PTPRT: variants seen among roughly 807,000 people sequenced by gnomAD.
The protein encoded by PTPRT is receptor-type tyrosine-protein phosphatase T.
In PTPRT, 56 loss-of-function variants were observed where a neutral mutation model predicts 176.8. The ratio of observed to expected loss-of-function variants is 0.32; its 90% CI spans 0.26 to 0.40. PTPRT has a LOEUF of 0.40. Among genes scored for constraint, PTPRT ranks in the 10% least tolerant of loss-of-function variants. The pLI, the probability that PTPRT is intolerant of heterozygous loss-of-function variation, is 1.00. For synonymous variants in PTPRT, 783 were observed against 739.0 expected (o/e 1.06, Z -0.96); for missense variants, 1,540 against 1,908.2 (o/e 0.81, Z 3.60).
At chr20:42,614,060 T>G (rs1245818552) in intron 7 of PTPRT, among the ~76,000 whole-genome samples, 2 of 151,964 alleles carry the variant, frequency 1.3e-5, no homozygotes, top group Non-Finnish European at 2.9e-5. Flanking sequence ...AAGATCAAGG[T>G]GTCAGCAGGG....
intron 19 of PTPRT, among the ~76,000 whole-genome samples, chr20:42,128,081 T>C (rs1987944970): frequency 6.6e-6 from 1 of 152,190 alleles, no homozygotes; most frequent in Non-Finnish European, 1.5e-5. Context: ...TATTCTCTGC[T>C]CCCCTCAAAT....
chr20:42,680,098 T>C (rs1322612272), intron 6 of PTPRT, among the ~76,000 whole-genome samples: 1 of 152,188 alleles, frequency 6.6e-6, no homozygotes. Context: ...AAGGCAGGTA[T>C]ACATTTTAGC....
intron 9 of PTPRT, among the ~76,000 whole-genome samples, chr20:42,354,718 A>C (rs1361939694): frequency 2.0e-5 from 3 of 152,198 alleles, no homozygotes; most frequent in African/African-American, 7.2e-5. Flanking sequence ...GAATGGCCAA[A>C]CCCAGGCAGA....
intron 6 of PTPRT, among the ~76,000 whole-genome samples, chr20:42,701,624 G>C (rs1417654098): frequency 6.6e-6 from 1 of 152,128 alleles, no homozygotes; most frequent in East Asian, 1.9e-4. Context: ...GCATGGCCAG[G>C]GTGAACTCAG....
At chr20:43,138,239 ACAGCCTTC>A (rs1222680312) in intron 1 of PTPRT, among the ~76,000 whole-genome samples, 1 of 152,244 alleles carries the variant, frequency 6.6e-6, no homozygotes, top group Admixed American at 6.5e-5. Flanking sequence ...AGGGTCTGAA[ACAGCCTTC>A]TTTATTCCAA....
chr20:43,113,150 C>T lies in PTPRT; in HGVS notation c.88+76496G>A, dbSNP rs57837056. Among the ~76,000 whole-genome samples, 416 of 152,074 alleles carry T rather than the reference C, an allele frequency of 2.7e-3. 3 individuals are homozygous for T. The highest frequency in any genetic ancestry group is 0.014 in the Middle Eastern group (4 of 294). On this transcript the variant is annotated intron_variant, in intron 1 of 30. Transcript: ENST00000373187. ...GCATGTAACTCATTCATGATATAAA[C>T]GTGTCTCCTTCTTTTAATTAACTAC...
At chr20:43,032,526 A>G (rs1209571239) in intron 1 of PTPRT, among the ~76,000 whole-genome samples, 1 of 150,726 alleles carries the variant, frequency 6.6e-6, no homozygotes, top group Admixed American at 6.6e-5. Context: ...CTGAGGGGGG[A>G]AATATATATA....
chr20:42,148,185 GC>G (rs527386709), intron 17 of PTPRT, among the ~76,000 whole-genome samples: 3 of 150,882 alleles, frequency 2.0e-5, no homozygotes, highest in African/African-American at 7.3e-5. Flanking sequence ...AGAGTGCTGG[GC>G]CCTATTTTTA....
chr20:42,908,365 A>G (rs1395401770), intron 1 of PTPRT, among the ~76,000 whole-genome samples: 4 of 152,222 alleles, frequency 2.6e-5, no homozygotes, highest in African/African-American at 4.8e-5. Context: ...AAACTTAGAA[A>G]AGAGACTATC....
chr20:42,731,792 A>C (rs984579137), intron 6 of PTPRT, among the ~76,000 whole-genome samples: 1 of 152,098 alleles, frequency 6.6e-6, no homozygotes, highest in Non-Finnish European at 1.5e-5. Context: ...TATCCCAGCC[A>C]CATCAACCAC....
intron 2 of PTPRT, among the ~76,000 whole-genome samples, chr20:42,852,304 T>C (rs750460662): frequency 2.0e-5 from 3 of 152,218 alleles, no homozygotes; most frequent in Non-Finnish European, 4.4e-5. Flanking sequence ...AAGTCTTCTT[T>C]TATGTGCCTC....
intron 14 of PTPRT, among the ~76,000 whole-genome samples, chr20:42,246,101 C>T (rs2056445595): frequency 6.6e-6 from 1 of 152,004 alleles, no homozygotes; most frequent in Non-Finnish European, 1.5e-5. Context: ...AGTATTCTGG[C>T]CAACAGTAAG....
chr20:42,394,523 C>G (rs549804648), intron 9 of PTPRT, among the ~76,000 whole-genome samples: 1 of 152,274 alleles, frequency 6.6e-6, no homozygotes, highest in South Asian at 2.1e-4. Flanking sequence ...AGCCCACACA[C>G]TGGGGTTGAC....
intron 2 of PTPRT, among the ~76,000 whole-genome samples, chr20:42,864,343 G>C (rs1009969034): frequency 6.6e-6 from 1 of 152,174 alleles, no homozygotes; most frequent in Admixed American, 6.5e-5. Flanking sequence ...GAGAGGAGGG[G>C]AGAGGGGAGA....
At chr20:43,017,596 G>A (rs769198628) in intron 1 of PTPRT, among the ~76,000 whole-genome samples, 3 of 152,162 alleles carry the variant, frequency 2.0e-5, no homozygotes, top group African/African-American at 7.2e-5. Context: ...GCCTGCACCT[G>A]TGGCCATCCC....
chr20:42,788,676 A>G (rs1012553586), intron 3 of PTPRT, among the ~76,000 whole-genome samples: 1 of 152,186 alleles, frequency 6.6e-6, no homozygotes, highest in African/African-American at 2.4e-5. Flanking sequence ...CAAAATAAAA[A>G]CCTTAAGAAA....
intron 7 of PTPRT, among the ~76,000 whole-genome samples, chr20:42,506,445 T>C (rs2071846678): frequency 6.6e-6 from 1 of 152,138 alleles, no homozygotes; most frequent in South Asian, 2.1e-4. Context: ...GTGATACTGA[T>C]GCTTTCCAGT....
At chr20:42,262,309 C>T (rs2056763522) in intron 13 of PTPRT, among the ~76,000 whole-genome samples, 1 of 152,186 alleles carries the variant, frequency 6.6e-6, no homozygotes, top group Non-Finnish European at 1.5e-5. Flanking sequence ...GTGGTTGTAG[C>T]AGATGCCACT....
At position 42,665,982 on chromosome 20, in the gene PTPRT, A is replaced by G. The variant is rs527418420; in HGVS notation, c.1153+11884T>C. On this transcript the variant is annotated intron_variant, in intron 7 of 30. Coordinates refer to ENST00000373187, the MANE Select transcript of PTPRT (RefSeq NM_007050.6). ...GGGGAGGGATAGCATTAGGAGATAT[A>G]CCTAATGTTAAATGACGAGTTAATG... 9.2e-5 allele frequency among the ~76,000 whole-genome samples: 14 copies of G among 151,624 alleles called. No homozygotes were observed. The South Asian group carries it at 2.9e-3, about 32-fold the overall frequency.
Sources: allele counts gnomAD v4.1 joint callset (sites outside exome capture counted in the v4.1 genomes callset), GRCh38; gene constraint gnomAD v4.1.1; transcripts MANE v1.5; gene names NCBI Gene and HGNC (gene_info 2026-07-23, HGNC 2026-07-21).